Variants in DPYD observed in about 807,000 individuals in gnomAD.
DPYD encodes the protein dihydropyrimidine dehydrogenase [NADP(+)].
In DPYD, 109 loss-of-function variants were observed where a neutral mutation model predicts 116.2. That is an observed-to-expected ratio of 0.94 (90% confidence interval 0.80 to 1.10). The LOEUF (loss-of-function observed/expected upper bound fraction) is 1.10. DPYD is among the 50% of genes least tolerant of loss of function. The probability of loss-of-function intolerance (pLI) is 0.00; values close to 1 mark genes in which losing one functional copy is unlikely to be tolerated. For synonymous variants in DPYD, 440 were observed against 432.0 expected (o/e 1.02, Z -0.23); for missense variants, 1,302 against 1,254.5 (o/e 1.04, Z -0.57).
chr1:97,769,874 G>T (rs1666054388), intron 3 of DPYD, among the ~76,000 whole-genome samples: 1 of 152,150 alleles, frequency 6.6e-6, no homozygotes, highest in Non-Finnish European at 1.5e-5. Flanking sequence ...GAACAAATCA[G>T]TGAACAAATG....
At chr1:97,243,747 G>A (rs1662532466) in intron 18 of DPYD, among the ~76,000 whole-genome samples, 7 of 151,930 alleles carry the variant, frequency 4.6e-5, no homozygotes, top group Admixed American at 4.6e-4. Flanking sequence ...GCTAGTAATT[G>A]TATAACTAGA....
chr1:97,382,056 C>A (rs892680331), intron 15 of DPYD, among the ~76,000 whole-genome samples: 1 of 152,122 alleles, frequency 6.6e-6, no homozygotes, highest in African/African-American at 2.4e-5. Context: ...TCAAGTTAGA[C>A]TCTCAAAGGT....
intron 8 of DPYD, among the ~76,000 whole-genome samples, chr1:97,627,618 T>G (rs1392961009): frequency 6.6e-6 from 1 of 152,092 alleles, no homozygotes; most frequent in Non-Finnish European, 1.5e-5. Flanking sequence ...TACCCACTTA[T>G]GCTATCATCT....
intron 3 of DPYD, among the ~76,000 whole-genome samples, chr1:97,801,886 T>C (rs1408549960): frequency 6.6e-6 from 1 of 151,956 alleles, no homozygotes. Context: ...ATTTAAAATG[T>C]GATAAAGATT....
chr1:97,093,385 T>C (rs1172016790), intron 21 of DPYD, among the ~76,000 whole-genome samples: 1 of 152,188 alleles, frequency 6.6e-6, no homozygotes, highest in Non-Finnish European at 1.5e-5. Context: ...GTATTTCTAT[T>C]TTCATTCTTC....
At chr1:97,795,602 A>C (rs1667533200) in intron 3 of DPYD, among the ~76,000 whole-genome samples, 1 of 151,996 alleles carries the variant, frequency 6.6e-6, no homozygotes, top group African/African-American at 2.4e-5. Flanking sequence ...TTGTCTTAGC[A>C]ACTTCACTTT....
rs1227073238 is a variant in DPYD at position 97,223,544 on chromosome 1, A to C, written c.2442+11308T>G. Among the ~76,000 whole-genome samples, 3 of 152,046 alleles carry C rather than the reference A, an allele frequency of 2.0e-5. No individual in the cohort carries two copies. The East Asian group carries it at 5.8e-4, about 29-fold the overall frequency. ...AATGAATTGTAATGGCAGTATCATTAAATTAAATTAAATTATAGAAACCTA... is the reference window on the plus strand; with the variant it reads ...AATGAATTGTAATGGCAGTATCATTCAATTAAATTAAATTATAGAAACCTA... On this transcript the variant is annotated intron_variant, in intron 19 of 22. Transcript: ENST00000370192.
chr1:97,498,876 A>G (rs983493368), intron 13 of DPYD, among the ~76,000 whole-genome samples: 2 of 151,722 alleles, frequency 1.3e-5, no homozygotes, highest in African/African-American at 2.4e-5. Flanking sequence ...AAAATTTAAT[A>G]GAAAACAACA....
At chr1:97,195,634 G>GTATGTGTGTATA (rs1557929548) in intron 19 of DPYD, among the ~76,000 whole-genome samples, 1 of 57,732 alleles carries the variant, frequency 1.7e-5, no homozygotes, top group African/African-American at 6.3e-5. Flanking sequence ...ATATGTATGT[G>GTATGTGTGTATA]TATATATATA....
At position 97,281,030 on chromosome 1, in the gene DPYD, C is replaced by A. The variant is rs1027283052; in HGVS notation, c.2299+24229G>T. 3.3e-5 allele frequency among the ~76,000 whole-genome samples: 5 copies of A among 151,992 alleles called. No homozygotes were observed. The East Asian group carries it at 9.6e-4, about 29-fold the overall frequency. On this transcript the variant is annotated intron_variant, in intron 18 of 22. Coordinates refer to ENST00000370192, the MANE Select transcript of DPYD (RefSeq NM_000110.4). ...TACAATTATTGTTCGATTATAAATACAACATTATTTTAAAAACTATCAAAA... is the reference window on the plus strand; with the variant it reads ...TACAATTATTGTTCGATTATAAATAAAACATTATTTTAAAAACTATCAAAA...
At chr1:97,593,762 C>A (rs1654687269) in intron 9 of DPYD, among the ~76,000 whole-genome samples, 1 of 152,104 alleles carries the variant, frequency 6.6e-6, no homozygotes, top group Non-Finnish European at 1.5e-5. Flanking sequence ...TCCTTATGAT[C>A]TGTGTTAACG....
intron 8 of DPYD, among the ~76,000 whole-genome samples, chr1:97,675,591 C>A (rs1340614200): frequency 6.6e-6 from 1 of 152,090 alleles, no homozygotes; most frequent in Non-Finnish European, 1.5e-5. Flanking sequence ...TGTGAACAGA[C>A]TTGACTTAAT....
intron 11 of DPYD, among the ~76,000 whole-genome samples, chr1:97,564,738 A>G (rs1652396916): frequency 6.6e-6 from 1 of 152,154 alleles, no homozygotes; most frequent in Admixed American, 6.5e-5. Flanking sequence ...TGACTATTCT[A>G]CTTAAGAAAT....
intron 5 of DPYD, among the ~76,000 whole-genome samples, chr1:97,715,376 A>T (rs1662555788): frequency 6.6e-6 from 1 of 152,204 alleles, no homozygotes; most frequent in South Asian, 2.1e-4. Context: ...GCCAATGTAA[A>T]CCTATATGTC....
At chr1:97,776,037 G>C (rs777290734) in intron 3 of DPYD, among the ~76,000 whole-genome samples, 1 of 152,048 alleles carries the variant, frequency 6.6e-6, no homozygotes, top group Non-Finnish European at 1.5e-5. Context: ...AAGCAGGTGG[G>C]GAAAGGTGGG....
chr1:97,080,028 A>G lies in DPYD; in HGVS notation c.2908-882T>C, dbSNP rs536270100. Among the ~76,000 whole-genome samples, 10 of 152,234 alleles carry G rather than the reference A, an allele frequency of 6.6e-5. No homozygotes were observed. The South Asian group carries it at 1.9e-3, about 28-fold the overall frequency. ...TTAAAGAGAAACATTTCAATGATGAAAAATGACATGTAAGACCTCAGCGGA... is the reference window on the plus strand; with the variant it reads ...TTAAAGAGAAACATTTCAATGATGAGAAATGACATGTAAGACCTCAGCGGA... On this transcript the variant is annotated intron_variant, in intron 22 of 22. Transcript: ENST00000370192.
intron 8 of DPYD, among the ~76,000 whole-genome samples, chr1:97,658,041 T>A (rs1043348628): frequency 1.3e-5 from 2 of 152,206 alleles, no homozygotes; most frequent in East Asian, 3.8e-4. Context: ...TGCTTGTTTC[T>A]GTTCATGAGT....
At chr1:97,529,670 C>A (rs536654014) in intron 12 of DPYD, among the ~76,000 whole-genome samples, 2 of 147,036 alleles carry the variant, frequency 1.4e-5, no homozygotes, top group East Asian at 3.9e-4. Flanking sequence ...TTTTTCTTTT[C>A]TCTTTCTCTT....
chr1:97,759,555 G>C (rs1032133283), intron 3 of DPYD, among the ~76,000 whole-genome samples: 22 of 152,072 alleles, frequency 1.4e-4, no homozygotes, highest in African/African-American at 5.1e-4. Context: ...ATTTCTCTTA[G>C]AAGACAAGCA....
Sources: gnomAD v4.1 joint callset for allele counts (sites outside exome capture counted in the v4.1 genomes callset) on GRCh38, gnomAD v4.1.1 for gene constraint, MANE v1.5 for transcripts, NCBI Gene and HGNC (gene_info 2026-07-23, HGNC 2026-07-21) for gene names.